Variants in DIPK1A observed in about 807,000 individuals in gnomAD.
DIPK1A encodes divergent protein kinase domain 1A.
DIPK1A carries 27 observed loss-of-function variants against 40.8 expected under a neutral mutation model. The ratio of observed to expected loss-of-function variants is 0.66; its 90% CI spans 0.49 to 0.91. The LOEUF is 0.91. DIPK1A is among the 40% of genes least tolerant of loss of function. The probability of loss-of-function intolerance (pLI) is 0.00; values close to 1 mark genes in which losing one functional copy is unlikely to be tolerated. For synonymous variants in DIPK1A, 166 were observed against 171.3 expected (o/e 0.97, Z 0.24); for missense variants, 412 against 505.7 (o/e 0.81, Z 1.78).
rs180912431 is a variant in DIPK1A, at chr1:92,884,023, T to C, written c.55-7593A>G. On this transcript the variant is annotated intron_variant, in intron 1 of 4. Transcript: ENST00000370310. ...GGAAGTTGCTATTAGAATCCATTAA[T>C]AGTATTTGTAGTCACATGTATTTAT... Among the ~76,000 whole-genome samples, 16 of 152,336 alleles carry C rather than the reference T, an allele frequency of 1.1e-4. No homozygotes were observed. The East Asian group carries it at 2.9e-3, about 28-fold the overall frequency.
chr1:92,928,142 T>C (rs1238694258), intron 1 of DIPK1A, among the ~76,000 whole-genome samples: 6 of 152,242 alleles, frequency 3.9e-5, no homozygotes, highest in South Asian at 2.1e-4. Context: ...TTTTTTATTA[T>C]AGCCATCCTA....
At chr1:92,914,878 G>A (rs1248930255) in intron 1 of DIPK1A, among the ~76,000 whole-genome samples, 1 of 145,110 alleles carries the variant, frequency 6.9e-6, no homozygotes, top group African/African-American at 2.8e-5. Flanking sequence ...TTAAGGCCAG[G>A]AGTTTGAGAC....
At chr1:92,938,467 C>T (rs1032599985) in intron 1 of DIPK1A, among the ~76,000 whole-genome samples, 2 of 85,036 alleles carry the variant, frequency 2.4e-5, no homozygotes, top group Non-Finnish European at 4.7e-5. Flanking sequence ...GAGACCTTTA[C>T]TAAAAAAAAA....
intron 1 of DIPK1A, among the ~76,000 whole-genome samples, chr1:92,946,689 G>T (rs569202599): frequency 6.6e-6 from 1 of 152,230 alleles, no homozygotes; most frequent in East Asian, 1.9e-4. Flanking sequence ...CATGCCTGTA[G>T]TCCCAGTACT....
At chr1:92,927,788 T>C (rs1217563927) in intron 1 of DIPK1A, among the ~76,000 whole-genome samples, 1 of 152,224 alleles carries the variant, frequency 6.6e-6, no homozygotes, top group African/African-American at 2.4e-5. Flanking sequence ...GAATCAGTAC[T>C]TCGTTTCTTT....
chr1:92,880,595 G>A (rs546852432), intron 1 of DIPK1A, among the ~76,000 whole-genome samples: 24 of 152,284 alleles, frequency 1.6e-4, no homozygotes, highest in Admixed American at 9.8e-4. Flanking sequence ...TTCTGGCCAC[G>A]CGGTGGCTCA....
chr1:92,870,073 TATAC>T (rs10586985), intron 2 of DIPK1A, among the ~76,000 whole-genome samples: 25,099 of 143,344 alleles, frequency 0.18, 2,130 homozygotes, highest in Admixed American at 0.22. Flanking sequence ...ATGAATTATA[TATAC>T]ACACACACAC....
rs1048608348 is a variant in DIPK1A at position 92,847,216 on chromosome 1, T to C, written c.441A>G (p.Gln147=). The change falls in exon 4 of 5, where the codon CAA becomes CAG. Residue 147 remains glutamine, a synonymous_variant. Transcript: ENST00000370310. The stretch of plus-strand genomic sequence containing the variant: ...GACTATAGACCATTTCTTTAAATTT[T>C]TGTACAGTAGTTCCTCTAGTTGGCT... ...FDKPTRGTTV[Q]KFKEMVYSLF... The C allele has an allele frequency of 1.9e-6, 3 of 1,590,288 alleles. No individual in the cohort carries two copies. The highest frequency in any genetic ancestry group is 2.6e-6 in the Non-Finnish European group (3 of 1,167,360).
chr1:92,836,705 T>C, intron 4 of DIPK1A: 1 of 296,994 alleles, frequency 3.4e-6, no homozygotes, highest in Non-Finnish European at 6.4e-6. Flanking sequence ...TCTTTCCCCA[T>C]GCACTTTCTT....
At chr1:92,882,728 G>T (rs886839991) in intron 1 of DIPK1A, among the ~76,000 whole-genome samples, 5 of 151,964 alleles carry the variant, frequency 3.3e-5, no homozygotes, top group African/African-American at 9.7e-5. Context: ...ACAATATAAA[G>T]ATTTAAAAAT....
intron 1 of DIPK1A, among the ~76,000 whole-genome samples, chr1:92,927,184 G>C (rs974006147): frequency 3.3e-5 from 5 of 151,804 alleles, no homozygotes; most frequent in Non-Finnish European, 7.4e-5. Flanking sequence ...TCAATGTTTT[G>C]TTGTTGTTGT....
intron 3 of DIPK1A, among the ~76,000 whole-genome samples, chr1:92,850,489 T>C (rs1687783934): frequency 6.6e-6 from 1 of 152,148 alleles, no homozygotes; most frequent in Non-Finnish European, 1.5e-5. Flanking sequence ...GAGACCAGCC[T>C]GGGCAACATG....
At chr1:92,868,980 C>A (rs1396103483) in intron 2 of DIPK1A, among the ~76,000 whole-genome samples, 2 of 94,262 alleles carry the variant, frequency 2.1e-5, no homozygotes, top group African/African-American at 4.0e-5. Context: ...AAAAAAAAAG[C>A]TCCTAAGGCA....
intron 4 of DIPK1A, among the ~76,000 whole-genome samples, chr1:92,834,473 A>G (rs1251300867): frequency 6.6e-6 from 1 of 152,182 alleles, no homozygotes; most frequent in East Asian, 1.9e-4. Flanking sequence ...TTCCTGGGCA[A>G]ATAGTTTGTT....
At chr1:92,950,365 A>T (rs926225791) in intron 1 of DIPK1A, among the ~76,000 whole-genome samples, 2 of 152,132 alleles carry the variant, frequency 1.3e-5, no homozygotes, top group Non-Finnish European at 2.9e-5. Flanking sequence ...ACAATATAGG[A>T]AGGGGCAAGA....
intron 1 of DIPK1A, among the ~76,000 whole-genome samples, chr1:92,937,870 C>T (rs1212139216): frequency 6.6e-6 from 1 of 151,938 alleles, no homozygotes; most frequent in Admixed American, 6.6e-5. Context: ...GCCAGCACCC[C>T]GATCTTGGAT....
chr1:92,903,621 T>C (rs1649502203), intron 1 of DIPK1A, among the ~76,000 whole-genome samples: 1 of 152,152 alleles, frequency 6.6e-6, no homozygotes, highest in Non-Finnish European at 1.5e-5. Context: ...GAAATGTATG[T>C]CAAAGTGATT....
intron 4 of DIPK1A, chr1:92,835,031 T>TC (rs1302867479): frequency 1.4e-6 from 2 of 1,434,654 alleles, no homozygotes; most frequent in Non-Finnish European, 1.9e-6. Context: ...AGTGCTTGCT[T>TC]CCAGTTTTCT....
At chr1:92,925,618 C>T (rs951445181) in intron 1 of DIPK1A, among the ~76,000 whole-genome samples, 11 of 152,108 alleles carry the variant, frequency 7.2e-5, no homozygotes, top group African/African-American at 2.7e-4. Context: ...CTCAGCCTCC[C>T]GAGTAGCTGG....
Sources: gnomAD v4.1 joint callset for allele counts (sites outside exome capture counted in the v4.1 genomes callset) on GRCh38, gnomAD v4.1.1 for gene constraint, MANE v1.5 for transcripts, NCBI Gene and HGNC (gene_info 2026-07-23, HGNC 2026-07-21) for gene names.